Variants in CORO2A observed in about 807,000 individuals in gnomAD.
CORO2A encodes the protein coronin-2A.
In CORO2A, 47 loss-of-function variants were observed where a neutral mutation model predicts 62.4. That is an observed-to-expected ratio of 0.75 (90% confidence interval 0.60 to 0.96). The LOEUF is 0.96. CORO2A is among the 40% of genes least tolerant of loss of function. CORO2A has a pLI of 0.00. For missense variants in CORO2A, 610 were observed against 684.1 expected, an observed-to-expected ratio of 0.89 and a Z score of 1.21; for synonymous variants, 273 against 268.9, an observed-to-expected ratio of 1.02 and a Z score of -0.15.
At chr9:98,133,256 C>G in intron 4 of CORO2A, 39 bp from the exon 5 acceptor site, 3 of 1,596,716 alleles carry the variant, frequency 1.9e-6, no homozygotes, top group Middle Eastern at 1.7e-4. Flanking sequence ...CAGGGGCCAC[C>G]TTGCCCCTGG....
Position 98,126,737 on chromosome 9 carries a change from C to T in CORO2A, c.1258G>A (p.Ala420Thr). The T allele has an allele frequency of 1.9e-6, 3 of 1,614,164 alleles. No homozygotes were observed. The highest frequency in any genetic ancestry group is 2.5e-6 in the Non-Finnish European group (3 of 1,180,034). Residue 420 changes from alanine to threonine, a missense_variant, in exon 11 of 12, where the codon GCC becomes ACC. Transcript: ENST00000375077. ...TTCAAGAGCCGGGGTGAGGCTGGGGCCATGGAATTGAAGATAGGTCTCTCT... is the reference window on the plus strand; with the variant it reads ...TTCAAGAGCCGGGGTGAGGCTGGGGTCATGGAATTGAAGATAGGTCTCTCT... Reference protein sequence around the residue: ...PAERPIFNSMAPASPRLLNQT... With the variant: ...PAERPIFNSMTPASPRLLNQT...
intron 1 of CORO2A, among the ~76,000 whole-genome samples, chr9:98,182,680 C>T (rs1023873498): frequency 4.6e-5 from 7 of 152,310 alleles, no homozygotes; most frequent in Admixed American, 4.6e-4. Flanking sequence ...CAAATTTACT[C>T]AACCTCTCTG....
At chr9:98,160,681 G>C (rs1258830800) in intron 1 of CORO2A, among the ~76,000 whole-genome samples, 3 of 152,156 alleles carry the variant, frequency 2.0e-5, no homozygotes, top group African/African-American at 7.2e-5. Flanking sequence ...CTCCGCTCCA[G>C]GCCCCCCCAC....
rs1268574921 is a variant in CORO2A at position 98,133,066 on chromosome 9, A to G, written c.620T>C (p.Ile207Thr). The G allele has an allele frequency of 1.2e-6, 2 of 1,614,128 alleles. No individual in the cohort carries two copies. The highest frequency in any genetic ancestry group is 8.5e-7 in the Non-Finnish European group (1 of 1,180,048). Residue 207 changes from isoleucine (I) to threonine (T), a missense_variant, in exon 5 of 12, where the codon ATT becomes ACT. Transcript: ENST00000375077. ...GAGGACGGTCCCTGCTCGGGGGTCA[A>G]TAACCCGAATCTTGCGGTCTTTGCA... is the stretch of plus-strand genomic sequence containing the variant. The part of the protein sequence containing the change: ...TTCKDRKIRV[I>T]DPRAGTVLQE...
intron 4 of CORO2A, among the ~76,000 whole-genome samples, chr9:98,134,067 A>G (rs1291131990): frequency 6.6e-6 from 1 of 152,054 alleles, no homozygotes; most frequent in African/African-American, 2.4e-5. Flanking sequence ...CCTCCCTTTT[A>G]TCCAACACAG....
intron 1 of CORO2A, among the ~76,000 whole-genome samples, chr9:98,169,428 C>T (rs2118905747): frequency 6.6e-6 from 1 of 151,878 alleles, no homozygotes; most frequent in African/African-American, 2.4e-5. Context: ...GCCCCCACGG[C>T]CCCCACCTGC....
intron 1 of CORO2A, among the ~76,000 whole-genome samples, chr9:98,166,722 T>A (rs962338992): frequency 1.3e-5 from 2 of 152,312 alleles, no homozygotes; most frequent in East Asian, 3.9e-4. Flanking sequence ...TGCACACTCA[T>A]GTTCATAGCA....
chr9:98,130,600 G>A (rs889807408), intron 7 of CORO2A, among the ~76,000 whole-genome samples: 1 of 152,250 alleles, frequency 6.6e-6, no homozygotes, highest in Non-Finnish European at 1.5e-5. Context: ...TGGAGGGGGA[G>A]AGATGCTGTT....
chr9:98,191,024 A>G (rs549378115), intron 1 of CORO2A, among the ~76,000 whole-genome samples: 88 of 152,346 alleles, frequency 5.8e-4, no homozygotes, highest in African/African-American at 1.9e-3. Flanking sequence ...TGTGATGACA[A>G]AGAGCTCACT....
chr9:98,125,204 C>A (rs1827300272), intron 11 of CORO2A, among the ~76,000 whole-genome samples: 1 of 152,176 alleles, frequency 6.6e-6, no homozygotes, highest in South Asian at 2.1e-4. Context: ...CACCACTGAA[C>A]TGTGTGACCT....
chr9:98,142,719 G>C (rs1266807011), intron 2 of CORO2A, among the ~76,000 whole-genome samples: 1 of 151,534 alleles, frequency 6.6e-6, no homozygotes, highest in African/African-American at 2.4e-5. Context: ...GGCTCAGAAG[G>C]GCCTAGCCCT....
In CORO2A at chr9:98,124,889, T is replaced by C. The variant is rs375976863; in HGVS notation, c.1463A>G (p.Tyr488Cys). ...KTENELLQMF[Y>C]RQQEEIRRLR... is the part of the protein sequence containing the mutation. ...CCTTCGGATCTCCTCCTGTTGCCGGTAGAACATCTGCAGCAACTGGGGAAG... is the reference window on the plus strand; with the variant it reads ...CCTTCGGATCTCCTCCTGTTGCCGGCAGAACATCTGCAGCAACTGGGGAAG... The change falls in exon 12 of 12, where the codon TAC becomes TGC. Residue 488 changes from tyrosine (Y) to cysteine (C), a missense_variant. By Grantham distance (194) the Tyr-to-Cys change is radical. Coordinates refer to ENST00000375077, the MANE Select transcript of CORO2A (RefSeq NM_052820.4). 1.9e-6 allele frequency: 3 copies of C among 1,570,464 alleles called. No individual in the cohort carries two copies. Among genetic ancestry groups the C allele is most frequent in the African/African-American group, 2.7e-5 (2 of 74,234 alleles).
At chr9:98,158,691 A>C (rs1274502324) in intron 1 of CORO2A, among the ~76,000 whole-genome samples, 1 of 152,174 alleles carries the variant, frequency 6.6e-6, no homozygotes, top group Non-Finnish European at 1.5e-5. Flanking sequence ...AGTGACAACT[A>C]AACAGTGACT....
intron 9 of CORO2A, 28 bp from the exon 10 acceptor site, chr9:98,128,288 G>T: frequency 6.4e-7 from 1 of 1,574,196 alleles, no homozygotes; most frequent in Non-Finnish European, 8.7e-7. Context: ...ACAGTGAGGA[G>T]GGTGGTAGGG....
At chr9:98,130,058 G>T (rs998623736) in intron 7 of CORO2A, among the ~76,000 whole-genome samples, 168 bp from the exon 8 acceptor site, 52 of 152,286 alleles carry the variant, frequency 3.4e-4, no homozygotes, top group African/African-American at 1.1e-3. Context: ...AGGCAGGAGG[G>T]TGATGAGGGG....
Position 98,130,952 on chromosome 9 carries a change from G to A in CORO2A, c.870+3C>T, listed in dbSNP as rs760279831. On this transcript the variant is annotated splice_donor_region_variant and intron_variant, in intron 7 of 11. Coordinates refer to ENST00000375077, the MANE Select transcript of CORO2A (RefSeq NM_052820.4). The stretch of plus-strand genomic sequence containing the variant: ...GGTCACCTCCCTCCCGTGCCAAGCC[G>A]ACCTTCCCCACCACGTAGAGCATGC... 1.1e-5 allele frequency: 17 copies of A among 1,597,386 alleles called. No homozygotes were observed. The highest frequency in any genetic ancestry group is 1.4e-5 in the Non-Finnish European group (16 of 1,164,972).
intron 3 of CORO2A, among the ~76,000 whole-genome samples, chr9:98,136,277 T>C (rs1827485395): frequency 6.6e-6 from 1 of 152,220 alleles, no homozygotes; most frequent in African/African-American, 2.4e-5. Flanking sequence ...CAGGGCCAAT[T>C]CTCACAGGAC....
rs1405504459 is a variant in CORO2A, at chr9:98,126,785, G to C, written c.1210C>G (p.Leu404Val). The C allele has an allele frequency of 6.2e-7, 1 of 1,614,182 alleles. No homozygotes were observed. The highest frequency in any genetic ancestry group is 1.7e-5 in the Admixed American group (1 of 60,026). The change falls in exon 11 of 12, where the codon CTG becomes GTG. Residue 404 changes from leucine to valine, a missense_variant. Leu to Val is a conservative substitution (Grantham distance 32, BLOSUM62 1). Transcript: ENST00000375077. ...TCTGCAGGCAGTGGGTGGGGTCTCA[G>C]CAGCTCAGAGCCAGGCCTAAGGGAC... ...LVSLRPGSEL[L>V]RPHPLPAERP...
chr9:98,134,914 G>C lies in CORO2A; in HGVS notation c.360C>G (p.Asn120Lys). 1 of 1,614,166 alleles carries C rather than the reference G, an allele frequency of 6.2e-7. No homozygotes were observed. Among genetic ancestry groups the C allele is most frequent in the Non-Finnish European group, 8.5e-7 (1 of 1,180,020 alleles). The change falls in exon 4 of 12, where the codon AAC becomes AAG. Residue 120 changes from asparagine (N) to lysine (K), a missense_variant. Transcript: ENST00000375077. ...CGAGTTCCTTCCTGTAGGCCGTGAG[G>C]TTCCTGGTCAGCAGCTGCTTGGGGA... is the stretch of plus-strand genomic sequence containing the variant. ...WSIPKQLLTR[N>K]LTAYRKELVG...
Sources: gnomAD v4.1 joint callset for allele counts (sites outside exome capture counted in the v4.1 genomes callset) on GRCh38, gnomAD v4.1.1 for gene constraint, MANE v1.5 for transcripts, NCBI Gene and HGNC (gene_info 2026-07-23, HGNC 2026-07-21) for gene names.